Variants in SDK2 observed in about 807,000 individuals in gnomAD.
The protein encoded by SDK2 is sidekick cell adhesion molecule 2, also known as protein sidekick-2.
Under a neutral mutation model 253.9 loss-of-function variants are expected in SDK2, and 105 were observed. That is an observed-to-expected ratio of 0.41 (90% CI 0.35 to 0.49). SDK2 has a LOEUF of 0.49. Ranked by LOEUF, SDK2 falls within the 20% of genes least tolerant of loss-of-function variation. The probability of loss-of-function intolerance (pLI) is 0.06; values close to 1 mark genes in which losing one functional copy is unlikely to be tolerated. For synonymous variants in SDK2, 1,249 were observed against 1,234.9 expected (o/e 1.01, Z -0.24); for missense variants, 2,608 against 3,003.0 (o/e 0.87, Z 3.07).
chr17:73,392,811 G>C (rs1232921486), intron 27 of SDK2, among the ~76,000 whole-genome samples: 1 of 152,126 alleles, frequency 6.6e-6, no homozygotes, highest in Non-Finnish European at 1.5e-5. Context: ...GTGAGCTTCT[G>C]ATGGGGAGTT....
intron 36 of SDK2, among the ~76,000 whole-genome samples, chr17:73,373,828 G>A (rs983337953): frequency 6.6e-6 from 1 of 151,780 alleles, no homozygotes; most frequent in Non-Finnish European, 1.5e-5. Context: ...GTAGAGACGG[G>A]GTTTCACCAT....
At position 73,395,494 on chromosome 17, in the gene SDK2, A is replaced by C; in HGVS notation, c.3355-102T>G. 1.2e-6 allele frequency: 1 copy of C among 857,328 alleles called. No individual in the cohort carries two copies. The highest frequency in any genetic ancestry group is 1.9e-6 in the Non-Finnish European group (1 of 538,212). 53.1% of individuals were successfully genotyped at this position (857,328 alleles called of 1,614,324 possible). ...TCTCCTCCAGGGCGCCTTCAGGGCT[A>C]TCCATCCCACTGTCACCCGGTCAGT... is the stretch of plus-strand genomic sequence containing the variant. On this transcript the variant is annotated intron_variant, in intron 24 of 44. Coordinates refer to ENST00000392650, the MANE Select transcript of SDK2 (RefSeq NM_001144952.2). This position sits in a 1 kb window ranked among gnomAD's most constrained non-coding sequence, Gnocchi z 4.3.
At chr17:73,388,967 C>G (rs56098561) in intron 29 of SDK2, among the ~76,000 whole-genome samples, 1 of 616 alleles carries the variant, frequency 1.6e-3, no homozygotes, top group African/African-American at 3.6e-3. Flanking sequence ...CTCCCCTCTC[C>G]TCCCTTCCCT....
chr17:73,636,071 C>T (rs2046326109), intron 1 of SDK2, among the ~76,000 whole-genome samples: 1 of 152,148 alleles, frequency 6.6e-6, no homozygotes, highest in African/African-American at 2.4e-5. Flanking sequence ...TGGGCATCTC[C>T]CTGGAGAATA....
Position 73,361,572 on chromosome 17 carries a change from G to C in SDK2, c.5467+112C>G, listed in dbSNP as rs1460254619. ...GGCACCAGGGGAAAGAGTGAGCTCTGTCCTCCACTCTGTTTCCAGGGTCCA... is the reference window on the plus strand; with the variant it reads ...GGCACCAGGGGAAAGAGTGAGCTCTCTCCTCCACTCTGTTTCCAGGGTCCA... On this transcript the variant is annotated intron_variant, in intron 39 of 44. Transcript: ENST00000392650. The surrounding 1 kb of genome is among the most constrained non-coding windows in gnomAD (Gnocchi z 4.1). 5 of 1,083,870 alleles carry C rather than the reference G, an allele frequency of 4.6e-6. No individual in the cohort carries two copies. The highest frequency in any genetic ancestry group is 6.7e-6 in the Non-Finnish European group (5 of 750,432). 67.1% of individuals were successfully genotyped at this position (1,083,870 alleles called of 1,614,324 possible).
At chr17:73,545,095 G>GCACACACACACA (rs2044936598) in intron 1 of SDK2, among the ~76,000 whole-genome samples, 1 of 75,312 alleles carries the variant, frequency 1.3e-5, no homozygotes, top group Admixed American at 1.1e-4. Flanking sequence ...GCGTGCACGT[G>GCACACACACACA]CACGCACACA....
chr17:73,568,159 C>T (rs1414363410), intron 1 of SDK2, among the ~76,000 whole-genome samples: 2 of 152,134 alleles, frequency 1.3e-5, no homozygotes, highest in African/African-American at 4.8e-5. Context: ...GTGCCCTTCC[C>T]ACGGTAATGG....
At chr17:73,634,057 A>G (rs1001023915) in intron 1 of SDK2, among the ~76,000 whole-genome samples, 1 of 152,158 alleles carries the variant, frequency 6.6e-6, no homozygotes, top group Admixed American at 6.5e-5. Flanking sequence ...TCTAAGAGCA[A>G]GGGCGTGATA....
intron 1 of SDK2, among the ~76,000 whole-genome samples, chr17:73,586,450 C>T (rs558202738): frequency 6.6e-6 from 1 of 152,282 alleles, no homozygotes; most frequent in South Asian, 2.1e-4. Flanking sequence ...AAAGCAGCCT[C>T]TCCCTTCGCG....
At chr17:73,535,433 G>T (rs1417030357) in intron 1 of SDK2, among the ~76,000 whole-genome samples, 2 of 152,336 alleles carry the variant, frequency 1.3e-5, no homozygotes, top group Non-Finnish European at 1.5e-5. Flanking sequence ...CATCTGCTGG[G>T]TGAATGGCGG....
At chr17:73,475,532 C>G (rs745613460) in intron 2 of SDK2, among the ~76,000 whole-genome samples, 2 of 152,156 alleles carry the variant, frequency 1.3e-5, no homozygotes, top group Non-Finnish European at 2.9e-5. Flanking sequence ...TGCTTGCCAT[C>G]GCAGAGACAA....
Position 73,642,005 on chromosome 17 carries a change from T to C in SDK2, c.64+2020A>G, listed in dbSNP as rs1168784213. Among the ~76,000 whole-genome samples the C allele has an allele frequency of 6.6e-6, 1 of 152,146 alleles. No homozygotes were observed. The highest frequency in any genetic ancestry group is 1.5e-5 in the Non-Finnish European group (1 of 68,030). On this transcript the variant is annotated intron_variant, in intron 1 of 44. Coordinates refer to ENST00000392650, the MANE Select transcript of SDK2 (RefSeq NM_001144952.2). This position sits in a 1 kb window ranked among gnomAD's most constrained non-coding sequence, Gnocchi z 4.7. ...AACACGAGCGGAGCAGCAGGGGACC[T>C]GGGCAGCCTGACACGCAAAAAGCCA...
intron 1 of SDK2, among the ~76,000 whole-genome samples, chr17:73,628,773 C>G (rs992279320): frequency 6.6e-6 from 1 of 152,224 alleles, no homozygotes; most frequent in African/African-American, 2.4e-5. Flanking sequence ...TCAAACTCAC[C>G]ACACTTCAGA....
intron 1 of SDK2, among the ~76,000 whole-genome samples, chr17:73,573,633 C>G (rs1330518094): frequency 6.6e-6 from 1 of 152,240 alleles, no homozygotes; most frequent in African/African-American, 2.4e-5. Flanking sequence ...AGCACCACCA[C>G]CAGCTCTGGC....
At chr17:73,632,399 G>A (rs2046281790) in intron 1 of SDK2, among the ~76,000 whole-genome samples, 1 of 152,212 alleles carries the variant, frequency 6.6e-6, no homozygotes. Flanking sequence ...CCGTGTGAGA[G>A]GTTTCCTGCC....
intron 5 of SDK2, among the ~76,000 whole-genome samples, chr17:73,445,198 A>G (rs2063444847): frequency 6.6e-6 from 1 of 152,214 alleles, no homozygotes. Flanking sequence ...CAAAAAACCA[A>G]TGGAAGATAT....
intron 2 of SDK2, among the ~76,000 whole-genome samples, chr17:73,480,378 C>T (rs78334769): frequency 0.022 from 3,389 of 152,266 alleles, 122 homozygotes; most frequent in African/African-American, 0.077. Context: ...AAATTTTGAT[C>T]TAGGCCATGT....
Position 73,532,046 on chromosome 17 carries a change from A to T in SDK2, c.65-24449T>A, listed in dbSNP as rs187125363. ...TCTCTCTAGAGACCAGATGTTCTCAAGGGGGGGTCATTCTGTACTCCTGCC... is the reference window on the plus strand; with the variant it reads ...TCTCTCTAGAGACCAGATGTTCTCATGGGGGGGTCATTCTGTACTCCTGCC... On this transcript the variant is annotated intron_variant, in intron 1 of 44. Coordinates refer to ENST00000392650, the MANE Select transcript of SDK2 (RefSeq NM_001144952.2). Among the ~76,000 whole-genome samples the T allele has an allele frequency of 3.4e-3, 515 of 152,234 alleles. 4 individuals are homozygous for T. Among genetic ancestry groups the T allele is most frequent in the African/African-American group, 0.012 (499 of 41,526 alleles).
chr17:73,489,451 G>A (rs1369005683), intron 2 of SDK2, among the ~76,000 whole-genome samples: 2 of 152,188 alleles, frequency 1.3e-5, no homozygotes, highest in African/African-American at 4.8e-5. Flanking sequence ...TTGGAGGGGG[G>A]TACCAGGCAG....
Sources: allele counts gnomAD v4.1 joint callset (sites outside exome capture counted in the v4.1 genomes callset), GRCh38; gene constraint gnomAD v4.1.1; non-coding constraint Gnocchi (gnomAD v3.1); transcripts MANE v1.5; gene names NCBI Gene and HGNC (gene_info 2026-07-23, HGNC 2026-07-21).